The following FSTL4 variants were observed in gnomAD, a reference collection of about 807,000 sequenced individuals.
The protein encoded by FSTL4 is follistatin-related protein 4.
A neutral mutation model predicts 78.2 loss-of-function variants in FSTL4; 28 were observed. The observed-to-expected ratio is 0.36, with a 90% confidence interval of 0.27 to 0.49. FSTL4 has a LOEUF of 0.49. Among genes scored for constraint, FSTL4 ranks in the 20% least tolerant of loss-of-function variants. FSTL4 has a pLI of 0.98. For synonymous variants in FSTL4, 422 were observed against 440.5 expected, an observed-to-expected ratio of 0.96 and a Z score of 0.53; for missense variants, 922 against 1,084.9, an observed-to-expected ratio of 0.85 and a Z score of 2.11.
At chr5:133,412,892 T>C (rs911353775) in intron 3 of FSTL4, among the ~76,000 whole-genome samples, 7 of 152,180 alleles carry the variant, frequency 4.6e-5, no homozygotes, top group Non-Finnish European at 7.4e-5. Flanking sequence ...CATGTCTGCA[T>C]ATAGTGGTGA....
At chr5:133,542,920 T>C (rs1759506597) in intron 3 of FSTL4, among the ~76,000 whole-genome samples, 1 of 149,922 alleles carries the variant, frequency 6.7e-6, no homozygotes, top group Admixed American at 6.6e-5. Flanking sequence ...CTTTCTGTTG[T>C]ACTTTTTTTT....
At chr5:133,594,761 C>T (rs970499264) in intron 2 of FSTL4, among the ~76,000 whole-genome samples, 5 of 152,108 alleles carry the variant, frequency 3.3e-5, no homozygotes, top group African/African-American at 1.2e-4. Context: ...TTTTCAAGGA[C>T]GTTTAAATGC....
intron 3 of FSTL4, among the ~76,000 whole-genome samples, chr5:133,447,806 C>A (rs909566301): frequency 3.9e-5 from 6 of 152,232 alleles, no homozygotes; most frequent in Admixed American, 3.3e-4. Flanking sequence ...TCCCAAAGTG[C>A]TGGGATTACA....
intron 4 of FSTL4, among the ~76,000 whole-genome samples, chr5:133,375,313 A>ATATATATATATATATATATATATATAG (rs1354744825): frequency 3.2e-5 from 1 of 31,058 alleles, no homozygotes; most frequent in Admixed American, 5.0e-4. Flanking sequence ...TATATATATA[A>ATATATATATATATATATATATATATAG]AAGACTCTAA....
At chr5:133,546,505 C>CAAAAAAA (rs71581365) in intron 3 of FSTL4, among the ~76,000 whole-genome samples, 1 of 75,424 alleles carries the variant, frequency 1.3e-5, no homozygotes, top group African/African-American at 4.6e-5. Flanking sequence ...GACTTTGTCT[C>CAAAAAAA]AAAAAAAAAA....
intron 3 of FSTL4, among the ~76,000 whole-genome samples, chr5:133,410,436 C>T (rs1398100498): frequency 6.6e-6 from 1 of 152,222 alleles, no homozygotes; most frequent in Non-Finnish European, 1.5e-5. Flanking sequence ...TGCGCCACTA[C>T]GTGGGTTCCT....
chr5:133,526,031 C>T (rs1295184562), intron 3 of FSTL4, among the ~76,000 whole-genome samples: 1 of 152,178 alleles, frequency 6.6e-6, no homozygotes, highest in Admixed American at 6.5e-5. Context: ...CTACTGAGCA[C>T]CTCTCACGGG....
intron 3 of FSTL4, among the ~76,000 whole-genome samples, chr5:133,408,164 T>G (rs1756402779): frequency 6.6e-6 from 1 of 152,182 alleles, no homozygotes; most frequent in Non-Finnish European, 1.5e-5. Context: ...GACGTAACCC[T>G]CTAGCCTGGA....
the FSTL4 span, among the ~76,000 whole-genome samples, chr5:133,764,700 C>T: frequency 6.6e-6 from 1 of 152,102 alleles, no homozygotes; most frequent in Non-Finnish European, 1.5e-5. Flanking sequence ...GGTACAAGGC[C>T]CTCTTCAGTG....
chr5:133,635,917 C>T, the FSTL4 span, among the ~76,000 whole-genome samples: 618 of 152,230 alleles, frequency 4.1e-3, 1 homozygote, highest in South Asian at 0.01. Context: ...GAGGTCCTGC[C>T]GTGGGCACGA....
chr5:133,623,267 G>T, the FSTL4 span, among the ~76,000 whole-genome samples: 60 of 152,012 alleles, frequency 3.9e-4, 1 homozygote, highest in Non-Finnish European at 1.0e-4. Context: ...TTACTACAAA[G>T]CTGCAGAAAT....
At chr5:133,366,439 G>T (rs1031989400) in intron 4 of FSTL4, among the ~76,000 whole-genome samples, 2 of 152,098 alleles carry the variant, frequency 1.3e-5, no homozygotes, top group Admixed American at 6.5e-5. Context: ...GTCTGACATG[G>T]TCACTGTTGT....
At chr5:133,538,673 C>T (rs569231420) in intron 3 of FSTL4, among the ~76,000 whole-genome samples, 1 of 152,164 alleles carries the variant, frequency 6.6e-6, no homozygotes, top group East Asian at 1.9e-4. Context: ...GGGACTCATG[C>T]ACTCCTATTT....
the FSTL4 span, among the ~76,000 whole-genome samples, chr5:133,807,781 G>A: frequency 6.6e-6 from 1 of 152,224 alleles, no homozygotes; most frequent in South Asian, 2.1e-4. Context: ...AACTAAGGGA[G>A]ACCCAAGTCA....
chr5:133,388,460 T>A (rs1755758234), intron 4 of FSTL4: 1 of 152,174 alleles, frequency 6.6e-6, no homozygotes, highest in Non-Finnish European at 1.5e-5. Context: ...ATGTTTTTTT[T>A]CCTTCCTACC....
the FSTL4 span, among the ~76,000 whole-genome samples, chr5:133,669,876 C>T: frequency 6.6e-6 from 1 of 152,168 alleles, no homozygotes; most frequent in Admixed American, 6.5e-5. Flanking sequence ...CTAGGCTGAG[C>T]CTCTCTGCTC....
chr5:133,253,288 A>T (rs976608468), intron 6 of FSTL4, among the ~76,000 whole-genome samples: 6 of 152,160 alleles, frequency 3.9e-5, no homozygotes, highest in African/African-American at 1.2e-4. Flanking sequence ...AGACAGCATC[A>T]TGTGCTAGGC....
intron 3 of FSTL4, among the ~76,000 whole-genome samples, chr5:133,486,430 T>C (rs1327250901): frequency 6.6e-6 from 1 of 152,004 alleles, no homozygotes; most frequent in Non-Finnish European, 1.5e-5. Context: ...TTGATTTCTC[T>C]GAGGAACAGG....
chr5:133,520,107 T>G (rs1453718075), intron 3 of FSTL4, among the ~76,000 whole-genome samples: 1 of 152,206 alleles, frequency 6.6e-6, no homozygotes, highest in African/African-American at 2.4e-5. Context: ...TTTCTTCTCC[T>G]TTCTCAGGAC....
Sources: allele counts gnomAD v4.1 joint callset (sites outside exome capture counted in the v4.1 genomes callset), GRCh38; gene constraint gnomAD v4.1.1; transcripts MANE v1.5; gene names NCBI Gene and HGNC (gene_info 2026-07-23, HGNC 2026-07-21).